C12orf42: variants seen among roughly 807,000 people sequenced by gnomAD.
C12orf42 encodes the protein uncharacterized protein C12orf42.
In C12orf42, 25 loss-of-function variants were observed where a neutral mutation model predicts 21.6. The ratio of observed to expected loss-of-function variants is 1.16; its 90% CI spans 0.84 to 1.62. The LOEUF (loss-of-function observed/expected upper bound fraction) is 1.62. Among genes scored for constraint, C12orf42 ranks in the 40% most tolerant of loss-of-function variants. The pLI is 0.00. For missense variants in C12orf42, 483 were observed against 459.3 expected, an observed-to-expected ratio of 1.05 and a Z score of -0.47; for synonymous variants, 174 against 175.0, an observed-to-expected ratio of 0.99 and a Z score of 0.05.
chr12:103,414,100 C>T (rs573472640), intron 2 of C12orf42, among the ~76,000 whole-genome samples: 77 of 152,312 alleles, frequency 5.1e-4, no homozygotes, highest in Non-Finnish European at 3.5e-4. Flanking sequence ...TACATTCCCA[C>T]CAGCAGTGTA....
the C12orf42 span, among the ~76,000 whole-genome samples, chr12:103,159,852 C>G: frequency 6.6e-6 from 1 of 152,160 alleles, no homozygotes. Context: ...CTTAGAATGC[C>G]TTGTTCAGAC....
chr12:103,495,529 C>A (rs1306918358), intron 1 of C12orf42, among the ~76,000 whole-genome samples: 1 of 152,044 alleles, frequency 6.6e-6, no homozygotes, highest in Non-Finnish European at 1.5e-5. Context: ...TTGTGGGCCG[C>A]GCTCGCCTCC....
intron 4 of C12orf42, among the ~76,000 whole-genome samples, 186 bp downstream of exon 4, chr12:103,368,701 A>G (rs774894222): frequency 6.6e-6 from 1 of 152,134 alleles, no homozygotes; most frequent in Non-Finnish European, 1.5e-5. Flanking sequence ...CACTGGATCC[A>G]GCCATGCCCT....
At chr12:103,253,401 T>C (rs1229570911) in intron 10 of C12orf42, among the ~76,000 whole-genome samples, 1 of 152,178 alleles carries the variant, frequency 6.6e-6, no homozygotes, top group Non-Finnish European at 1.5e-5. Context: ...TTGGACAGTA[T>C]GGGCATTTTA....
chr12:103,539,287 G>A, the C12orf42 span, among the ~76,000 whole-genome samples: 1 of 152,104 alleles, frequency 6.6e-6, no homozygotes, highest in African/African-American at 2.4e-5. Context: ...ATCTGTGCAT[G>A]TGTGTATGTG....
intron 1 of C12orf42, among the ~76,000 whole-genome samples, chr12:103,488,847 C>G (rs144605591): frequency 1.3e-5 from 2 of 152,148 alleles, no homozygotes; most frequent in African/African-American, 4.8e-5. Context: ...GTTAGCCATT[C>G]GTCTAACCTT....
chr12:103,456,711 A>G (rs554442587), intron 2 of C12orf42, among the ~76,000 whole-genome samples: 2 of 152,232 alleles, frequency 1.3e-5, no homozygotes, highest in African/African-American at 4.8e-5. Flanking sequence ...AAAATCAACT[A>G]TTGCTTAAAG....
chr12:103,205,543 G>C, the C12orf42 span, among the ~76,000 whole-genome samples: 6 of 152,072 alleles, frequency 3.9e-5, no homozygotes, highest in South Asian at 2.1e-4. Flanking sequence ...AGGGATTATG[G>C]GAGCTACAAT....
chr12:103,368,627 C>A (rs1422726938), intron 4 of C12orf42, among the ~76,000 whole-genome samples: 2 of 152,028 alleles, frequency 1.3e-5, no homozygotes. Flanking sequence ...TGAAAACAAA[C>A]CCAACTTAGT....
chr12:103,461,232 G>A (rs1952677726), intron 2 of C12orf42, among the ~76,000 whole-genome samples: 1 of 152,182 alleles, frequency 6.6e-6, no homozygotes, highest in African/African-American at 2.4e-5. Flanking sequence ...ACCGCTGGCA[G>A]TCTAATCACT....
At chr12:103,390,804 T>A (rs1043307793) in intron 3 of C12orf42, among the ~76,000 whole-genome samples, 1 of 152,208 alleles carries the variant, frequency 6.6e-6, no homozygotes, top group African/African-American at 2.4e-5. Context: ...TGAAAATTCA[T>A]CTTTTTTCCA....
chr12:103,296,110 G>A (rs540332411), intron 4 of C12orf42, among the ~76,000 whole-genome samples: 12 of 149,462 alleles, frequency 8.0e-5, no homozygotes, highest in East Asian at 8.0e-4. Context: ...GAGAACAGGC[G>A]GTGTTTGGTT....
the C12orf42 span, among the ~76,000 whole-genome samples, chr12:103,047,687 T>A: frequency 1.3e-5 from 2 of 152,200 alleles, no homozygotes; most frequent in Non-Finnish European, 2.9e-5. Context: ...GCAGTTCTCC[T>A]GACCTAGGCC....
chr12:103,400,812 C>T (rs1030110222), intron 3 of C12orf42, among the ~76,000 whole-genome samples: 6 of 152,198 alleles, frequency 3.9e-5, no homozygotes, highest in Non-Finnish European at 7.3e-5. Context: ...AGAAAACTAT[C>T]TCCTCCTCAT....
At chr12:103,453,614 T>G (rs1398196484) in intron 2 of C12orf42, among the ~76,000 whole-genome samples, 1 of 152,114 alleles carries the variant, frequency 6.6e-6, no homozygotes, top group Non-Finnish European at 1.5e-5. Flanking sequence ...GCTCCTTATT[T>G]CCCTAATAAT....
At chr12:103,396,340 A>G (rs11111548) in intron 3 of C12orf42, among the ~76,000 whole-genome samples, 26,598 of 152,116 alleles carry the variant, frequency 0.17, 2,707 homozygotes, top group African/African-American at 0.29. Context: ...ACCTTTCACC[A>G]TGATTGTAAG....
intron 2 of C12orf42, among the ~76,000 whole-genome samples, chr12:103,472,413 T>G (rs1261183455): frequency 2.0e-5 from 3 of 152,154 alleles, no homozygotes; most frequent in Non-Finnish European, 4.4e-5. Context: ...AATTCTAATA[T>G]GAGACTATTT....
Position 103,310,531 on chromosome 12 carries a change from T to C in C12orf42, c.260-4186A>G, listed in dbSNP as rs144647463. ...GTGTAAGATACACAAAACACAACTG[T>C]TCTTGGAATCATCAGAGGCCACCAA... On this transcript the variant is annotated intron_variant, in intron 4 of 5. Coordinates refer to ENST00000548883, the MANE Select transcript of C12orf42 (RefSeq NM_198521.5). 1.2e-3 allele frequency among the ~76,000 whole-genome samples: 185 copies of C among 152,364 alleles called. 1 individual carries two copies. The highest frequency in any genetic ancestry group is 4.3e-3 in the African/African-American group (180 of 41,588).
chr12:103,103,060 C>T, the C12orf42 span, among the ~76,000 whole-genome samples: 9 of 152,152 alleles, frequency 5.9e-5, no homozygotes, highest in African/African-American at 2.2e-4. Context: ...TTTCCTCCAC[C>T]CTAGTATGCT....
Sources: allele counts gnomAD v4.1 joint callset (sites outside exome capture counted in the v4.1 genomes callset), GRCh38; gene constraint gnomAD v4.1.1; transcripts MANE v1.5; gene names NCBI Gene and HGNC (gene_info 2026-07-23, HGNC 2026-07-21).